The following STK32B variants were observed in gnomAD, a reference collection of about 807,000 sequenced individuals.
STK32B encodes serine/threonine-protein kinase 32B.
STK32B carries 43 observed loss-of-function variants against 52.6 expected under a neutral mutation model. That is an observed-to-expected ratio of 0.82 (90% CI 0.64 to 1.05). The LOEUF is 1.05. STK32B is among the 50% of genes least tolerant of loss of function. The pLI is 0.00. For missense variants in STK32B, 621 were observed against 534.6 expected (o/e 1.16, Z -1.59); for synonymous variants, 238 against 204.3 (o/e 1.17, Z -1.41).
chr4:5,091,086 A>G (rs1326370973), intron 1 of STK32B, among the ~76,000 whole-genome samples: 2 of 152,210 alleles, frequency 1.3e-5, no homozygotes, highest in East Asian at 3.9e-4. Flanking sequence ...GTTGAAAAAT[A>G]TAAAAGGAGG....
At chr4:5,137,782 G>A (rs747145879) in intron 1 of STK32B, among the ~76,000 whole-genome samples, 2 of 152,174 alleles carry the variant, frequency 1.3e-5, no homozygotes, top group Non-Finnish European at 2.9e-5. Context: ...TGGTTAGTTG[G>A]GGGTTGGGGA....
At chr4:5,247,322 C>G (rs956666164) in intron 3 of STK32B, among the ~76,000 whole-genome samples, 1 of 152,206 alleles carries the variant, frequency 6.6e-6, no homozygotes, top group Non-Finnish European at 1.5e-5. Flanking sequence ...AGATCTCAGA[C>G]TGCTGTGCTA....
chr4:5,217,029 G>A (rs1465756947), intron 3 of STK32B, among the ~76,000 whole-genome samples: 2 of 152,160 alleles, frequency 1.3e-5, no homozygotes, highest in Non-Finnish European at 2.9e-5. Flanking sequence ...GTGTAGGTGT[G>A]TGCCAGTGAC....
chr4:5,487,093 T>C (rs1397717908), intron 11 of STK32B, among the ~76,000 whole-genome samples: 1 of 152,210 alleles, frequency 6.6e-6, no homozygotes, highest in Non-Finnish European at 1.5e-5. Flanking sequence ...GTGTTGTTGA[T>C]CAACCATGCT....
intron 1 of STK32B, among the ~76,000 whole-genome samples, chr4:5,134,026 C>T (rs1715924151): frequency 6.6e-6 from 1 of 152,156 alleles, no homozygotes; most frequent in Non-Finnish European, 1.5e-5. Flanking sequence ...CTGACTCTCT[C>T]CCCATCAACA....
intron 4 of STK32B, among the ~76,000 whole-genome samples, chr4:5,374,594 T>C (rs1735460019): frequency 6.6e-6 from 1 of 152,176 alleles, no homozygotes; most frequent in Admixed American, 6.5e-5. Context: ...CTGCTCCCCA[T>C]AGAAGATGCT....
intron 3 of STK32B, among the ~76,000 whole-genome samples, chr4:5,298,910 G>A (rs1051055154): frequency 2.0e-5 from 3 of 151,908 alleles, no homozygotes; most frequent in Non-Finnish European, 2.9e-5. Context: ...CTTGAAACCC[G>A]GGGCCCTGGT....
intron 1 of STK32B, among the ~76,000 whole-genome samples, chr4:5,069,190 C>CTT (rs11309394): frequency 1.7e-4 from 17 of 99,568 alleles, no homozygotes; most frequent in African/African-American, 5.4e-4. Flanking sequence ...GGCAGGTTCT[C>CTT]TTTTTTTTTT....
At chr4:5,342,880 A>G (rs1488296209) in intron 4 of STK32B, among the ~76,000 whole-genome samples, 2 of 152,350 alleles carry the variant, frequency 1.3e-5, no homozygotes, top group South Asian at 2.1e-4. Flanking sequence ...TTACTTGACA[A>G]TAGAAGTTCA....
At chr4:5,494,614 CATG>C (rs1171994981) in intron 11 of STK32B, among the ~76,000 whole-genome samples, 2 of 152,134 alleles carry the variant, frequency 1.3e-5, no homozygotes, top group African/African-American at 4.8e-5. Context: ...TTGATCCTGT[CATG>C]ATGATGTTAG....
chr4:5,442,059 G>T (rs1714832318), intron 6 of STK32B, among the ~76,000 whole-genome samples: 1 of 110,004 alleles, frequency 9.1e-6, no homozygotes, highest in Non-Finnish European at 1.8e-5. Flanking sequence ...GTGGTGTGGT[G>T]CTGAAAAAAA....
chr4:5,158,690 T>C (rs978259540), intron 2 of STK32B, among the ~76,000 whole-genome samples: 1 of 151,732 alleles, frequency 6.6e-6, no homozygotes, highest in African/African-American at 2.4e-5. Context: ...ATTGGCGGGG[T>C]TGGATTCTTC....
chr4:5,030,049 A>G, the STK32B span, among the ~76,000 whole-genome samples: 4 of 152,206 alleles, frequency 2.6e-5, no homozygotes, highest in Non-Finnish European at 4.4e-5. Flanking sequence ...ACCTTCCACC[A>G]TGATGGTTAA....
Position 5,135,040 on chromosome 4 carries a change from C to G in STK32B, c.53-4865C>G, listed in dbSNP as rs1428369261. On this transcript the variant is annotated intron_variant, in intron 1 of 11. Transcript: ENST00000282908. The stretch of plus-strand genomic sequence containing the variant: ...TGTAAAGTAGGACAACCAGATTTAC[C>G]CAGTGTGATCAATCACCATCAATAA... Among the ~76,000 whole-genome samples the G allele has an allele frequency of 2.0e-5, 3 of 152,088 alleles. No individual in the cohort carries two copies. The East Asian group carries it at 5.8e-4, about 29-fold the overall frequency.
intron 3 of STK32B, among the ~76,000 whole-genome samples, chr4:5,309,726 C>A (rs6838537): frequency 0.13 from 19,501 of 152,108 alleles, 2,709 homozygotes; most frequent in African/African-American, 0.36. Flanking sequence ...ATATAAAAAC[C>A]AACTTAAAAG....
chr4:5,363,890 C>G (rs28631340), intron 4 of STK32B, among the ~76,000 whole-genome samples: 7,652 of 152,086 alleles, frequency 0.05, 299 homozygotes, highest in African/African-American at 0.1. Flanking sequence ...AAGGAAAACT[C>G]CCTCCTGGCA....
At chr4:5,032,912 C>T in the STK32B span, among the ~76,000 whole-genome samples, 4 of 152,022 alleles carry the variant, frequency 2.6e-5, no homozygotes, top group South Asian at 6.2e-4. Flanking sequence ...GCTCACAGAC[C>T]GGCTCTTTCC....
intron 6 of STK32B, among the ~76,000 whole-genome samples, chr4:5,432,946 C>T (rs1381534916): frequency 6.6e-6 from 1 of 152,166 alleles, no homozygotes; most frequent in Non-Finnish European, 1.5e-5. Context: ...AGAGGTTAAG[C>T]AGCTTCCCCA....
At chr4:5,495,779 A>T (rs1160905730) in intron 11 of STK32B, among the ~76,000 whole-genome samples, 3 of 152,090 alleles carry the variant, frequency 2.0e-5, no homozygotes, top group African/African-American at 7.2e-5. Flanking sequence ...TCTGTTTGTT[A>T]GTTTTCCTTC....
Sources: allele counts gnomAD v4.1 joint callset (sites outside exome capture counted in the v4.1 genomes callset), GRCh38; gene constraint gnomAD v4.1.1; transcripts MANE v1.5; gene names NCBI Gene and HGNC (gene_info 2026-07-23, HGNC 2026-07-21).